Variants in SKP1 observed in about 807,000 individuals in gnomAD.
SKP1 encodes S-phase kinase-associated protein 1.
SKP1 carries 1 observed loss-of-function variant against 21.5 expected under a neutral mutation model. The observed-to-expected ratio is 0.05, with a 90% confidence interval of 0.02 to 0.22. The LOEUF (loss-of-function observed/expected upper bound fraction) is 0.22. SKP1 is among the 10% of genes least tolerant of loss of function. The pLI, the probability that SKP1 is intolerant of heterozygous loss-of-function variation, is 1.00. For missense variants in SKP1, 70 were observed against 192.0 expected (o/e 0.36, Z 3.76); for synonymous variants, 59 against 59.3 (o/e 0.99, Z 0.03).
chr5:134,167,337 T>C, intron 2 of SKP1, 94 bp from the exon 3 acceptor site: 1 of 784,386 alleles, frequency 1.3e-6, no homozygotes, highest in South Asian at 1.5e-5. Flanking sequence ...TCAGCCCCCA[T>C]ATCCATGAGT....
chr5:134,159,563 T>TC (rs965079236), intron 4 of SKP1, among the ~76,000 whole-genome samples: 11 of 151,572 alleles, frequency 7.3e-5, no homozygotes, highest in African/African-American at 1.2e-4. Flanking sequence ...TTTTTTTTTT[T>TC]TTGAGACGAA....
rs1227238555 is a variant in SKP1, at chr5:134,157,761, T to C, written c.464A>G (p.Lys155Arg). Residue 155 changes from lysine to arginine, a missense_variant, in exon 6 of 6, where the codon AAA (lysine) becomes AGA (arginine). Lys to Arg is a conservative substitution (Grantham distance 26). Around this residue, in one of 4 missense-constraint regions of SKP1, gnomAD observed 14 missense variants for 82.1 expected, o/e 0.17. Transcript: ENST00000353411. The part of the protein sequence containing the change: ...FTEEEEAQVR[K>R]ENQWCEEK ...CTTCTCTTCACACCACTGGTTCTCT[T>C]TGCGTACCTAAAAGAGATGGATATA... 2 of 1,613,490 alleles carry C rather than the reference T, an allele frequency of 1.2e-6. No individual in the cohort carries two copies. The highest frequency in any genetic ancestry group is 1.7e-6 in the Non-Finnish European group (2 of 1,179,516).
chr5:134,161,153 C>T (rs1761211909), intron 3 of SKP1, 23 bp from the exon 4 acceptor site: 7 of 1,567,336 alleles, frequency 4.5e-6, no homozygotes, highest in Non-Finnish European at 6.1e-6. Context: ...AAGTTCATTC[C>T]TCTGTGGCAC....
Position 134,151,911 on chromosome 5 carries a change from A to C in SKP1, c.*5822T>G. On this transcript the variant is annotated 3_prime_UTR_variant, in exon 6 of 6. Coordinates refer to ENST00000353411, the MANE Select transcript of SKP1 (RefSeq NM_170679.3). ...TCGACAACACTTTTCGGCCACCACT[A>C]ATGATCATCTCCACTGATGCCTCAG... is the stretch of plus-strand genomic sequence containing the variant. 3.2e-6 allele frequency: 1 copy of C among 315,200 alleles called. No homozygotes were observed. Among genetic ancestry groups the C allele is most frequent in the Non-Finnish European group, 6.5e-6 (1 of 154,248 alleles). 19.5% of individuals were successfully genotyped at this position (315,200 alleles called of 1,614,324 possible).
intron 2 of SKP1, among the ~76,000 whole-genome samples, chr5:134,169,836 A>G (rs1471250511): frequency 6.6e-6 from 1 of 152,126 alleles, no homozygotes; most frequent in African/African-American, 2.4e-5. Flanking sequence ...CCCGTCTCTA[A>G]TAAAAATACA....
At chr5:134,163,542 C>A (rs962070585) in intron 3 of SKP1, among the ~76,000 whole-genome samples, 42 of 151,730 alleles carry the variant, frequency 2.8e-4, no homozygotes, top group Admixed American at 1.7e-3. Flanking sequence ...ATAATCCCAG[C>A]ACTCTGGGAG....
Position 134,151,520 on chromosome 5 carries a change from T to A in SKP1, c.*6213A>T, listed in dbSNP as rs1761042719. The A allele has an allele frequency of 3.0e-6, 1 of 329,758 alleles. No homozygotes were observed. Among genetic ancestry groups the A allele is most frequent in the Admixed American group, 3.5e-5 (1 of 28,270 alleles). 20.4% of individuals were successfully genotyped at this position (329,758 alleles called of 1,614,324 possible). A position where few individuals can be genotyped will look rare whatever the true frequency, so the allele number is the denominator to read the frequency against. On this transcript the variant is annotated 3_prime_UTR_variant, in exon 6 of 6. Coordinates refer to ENST00000353411, the MANE Select transcript of SKP1 (RefSeq NM_170679.3). Reference sequence around the variant, plus strand: ...CAAATAAGAATTTTCACCAGATAGGTGGGAGGTATTCAAAGTGAGAGCACT... The same window carrying A: ...CAAATAAGAATTTTCACCAGATAGGAGGGAGGTATTCAAAGTGAGAGCACT...
chr5:134,168,807 C>A (rs886603847), intron 2 of SKP1, among the ~76,000 whole-genome samples: 9 of 151,934 alleles, frequency 5.9e-5, no homozygotes, highest in Non-Finnish European at 1.3e-4. Flanking sequence ...AAGGGGAAGG[C>A]TGTCAGAGGA....
chr5:134,164,015 G>A (rs1316644349), intron 3 of SKP1, among the ~76,000 whole-genome samples: 2 of 151,972 alleles, frequency 1.3e-5, no homozygotes, highest in Admixed American at 6.6e-5. Flanking sequence ...AAATATTCAC[G>A]TCTTTGTTTA....
intron 5 of SKP1, 162 bp from the exon 6 acceptor site, chr5:134,157,930 C>G: frequency 6.5e-7 from 1 of 1,539,128 alleles, no homozygotes; most frequent in Non-Finnish European, 8.7e-7. Flanking sequence ...GATTTCCTTT[C>G]TTTGCCTCCC....
intron 2 of SKP1, among the ~76,000 whole-genome samples, chr5:134,170,113 G>A (rs1412698833): frequency 4.6e-5 from 7 of 151,962 alleles, no homozygotes; most frequent in Admixed American, 3.3e-4. Context: ...AGATTGCAGT[G>A]AGCCCGAGAT....
rs932002050 is a variant in SKP1 at position 134,162,916 on chromosome 5, T to C, written c.172-1786A>G. Among the ~76,000 whole-genome samples the C allele has an allele frequency of 1.3e-4, 20 of 151,614 alleles. No individual in the cohort carries two copies. In the East Asian group the frequency reaches 3.9e-3, roughly 30 times the overall value. On this transcript the variant is annotated intron_variant, in intron 3 of 5. Transcript: ENST00000353411. ...AGAGACACCCCGTCTCTACAAAAAA[T>C]GATGATAATAATAATAGGCTGGGCA...
Position 134,154,548 on chromosome 5 carries a change from G to A in SKP1, c.*3185C>T, listed in dbSNP as rs1761094817. The A allele has an allele frequency of 6.6e-6, 1 of 151,860 alleles. No homozygotes were observed. Among genetic ancestry groups the A allele is most frequent in the African/African-American group, 2.4e-5 (1 of 41,344 alleles). 9.4% of individuals were successfully genotyped at this position (151,860 alleles called of 1,614,324 possible). On this transcript the variant is annotated 3_prime_UTR_variant, in exon 6 of 6. Transcript: ENST00000353411. Reference sequence around the variant, plus strand: ...AAAATAATAAGCTAACATTCAGGAAGGTTTTGGTTTACTTTTAGATCACAA... The same window carrying A: ...AAAATAATAAGCTAACATTCAGGAAAGTTTTGGTTTACTTTTAGATCACAA...
intron 2 of SKP1, among the ~76,000 whole-genome samples, chr5:134,167,980 T>A (rs1027736378): frequency 5.3e-5 from 8 of 152,214 alleles, no homozygotes; most frequent in African/African-American, 1.9e-4. Flanking sequence ...CGACTATAAC[T>A]TATAAGACAT....
intron 5 of SKP1, 120 bp from the exon 6 acceptor site, chr5:134,157,888 T>C: frequency 1.3e-6 from 2 of 1,598,428 alleles, no homozygotes; most frequent in Non-Finnish European, 1.7e-6. Context: ...GATGGAAAAT[T>C]AGAACAACAC....
rs1051029655 is a variant in SKP1, at chr5:134,151,026, G to C, written c.*6707C>G. On this transcript the variant is annotated 3_prime_UTR_variant, in exon 6 of 6. Coordinates refer to ENST00000353411, the MANE Select transcript of SKP1 (RefSeq NM_170679.3). ...GAAAGGGAAAACTTATGTCCTGGGG[G>C]TGGGAACTATACTATCACAAGCAGT... 3 of 152,238 alleles carry C rather than the reference G, an allele frequency of 2.0e-5. No individual in the cohort carries two copies. The highest frequency in any genetic ancestry group is 2.0e-4 in the Admixed American group (3 of 15,282). 9.4% of individuals were successfully genotyped at this position (152,238 alleles called of 1,614,324 possible).
At chr5:134,164,141 T>A (rs968305214) in intron 3 of SKP1, among the ~76,000 whole-genome samples, 1 of 151,770 alleles carries the variant, frequency 6.6e-6, no homozygotes, top group Non-Finnish European at 1.5e-5. Flanking sequence ...GCCAACATGG[T>A]GAAACCCCAT....
At chr5:134,171,801 T>C (rs1761444968) in intron 2 of SKP1, among the ~76,000 whole-genome samples, 1 of 152,164 alleles carries the variant, frequency 6.6e-6, no homozygotes, top group South Asian at 2.1e-4. Flanking sequence ...TTCCAGCACT[T>C]TGGGAGGCTG....
chr5:134,172,154 G>A (rs895348028), intron 2 of SKP1, among the ~76,000 whole-genome samples: 7 of 152,222 alleles, frequency 4.6e-5, no homozygotes, highest in Non-Finnish European at 1.0e-4. Flanking sequence ...CACTTGGCGC[G>A]CAACTTTATT....
Sources: gnomAD v4.1 joint callset for allele counts (sites outside exome capture counted in the v4.1 genomes callset) on GRCh38, gnomAD v4.1.1 for gene constraint, gnomAD v4.1.1 regional missense constraint, MANE v1.5 for transcripts, NCBI Gene and HGNC (gene_info 2026-07-23, HGNC 2026-07-21) for gene names.